ROBO1: variants seen among roughly 807,000 people sequenced by gnomAD.
ROBO1 encodes roundabout homolog 1.
Under a neutral mutation model 195.9 loss-of-function variants are expected in ROBO1, and 149 were observed. The ratio of observed to expected loss-of-function variants is 0.76; its 90% CI spans 0.67 to 0.87. The LOEUF (loss-of-function observed/expected upper bound fraction) is 0.87, where lower values mean the gene tolerates loss of function less well. Ranked by LOEUF, ROBO1 falls within the 40% of genes least tolerant of loss-of-function variation. The probability of loss-of-function intolerance (pLI) is 0.00; values close to 1 mark genes in which losing one functional copy is unlikely to be tolerated. For missense variants in ROBO1, 1,933 were observed against 2,068.3 expected, an observed-to-expected ratio of 0.93 and a Z score of 1.27; for synonymous variants, 816 against 733.2, an observed-to-expected ratio of 1.11 and a Z score of -1.82.
At chr3:79,685,829 C>G (rs1947088686) in intron 1 of ROBO1, among the ~76,000 whole-genome samples, 1 of 152,098 alleles carries the variant, frequency 6.6e-6, no homozygotes, top group East Asian at 1.9e-4. Context: ...TGAAACTATT[C>G]CAATCAATAG....
Position 78,938,863 on chromosome 3 carries a change from G to A in ROBO1, c.237C>T (p.Val79=), listed in dbSNP as rs373025682. 1.2e-6 allele frequency: 2 copies of A among 1,613,882 alleles called. No individual in the cohort carries two copies. Among genetic ancestry groups the A allele is most frequent in the African/African-American group, 2.7e-5 (2 of 74,926 alleles). Residue 79 remains valine (V), a synonymous_variant, in exon 4 of 31, where the codon GTC becomes GTT. Transcript: ENST00000464233. ...RIVEHPSDLI[V]SKGEPATLNC... is the part of the protein sequence containing the mutation. ...TCAAAGTTGCAGGTTCTCCTTTTGA[G>A]ACAATCAGGTCTGAAGGGTGTTCAA...
intron 4 of ROBO1, among the ~76,000 whole-genome samples, chr3:78,895,322 G>C (rs1054185129): frequency 3.3e-5 from 5 of 152,094 alleles, no homozygotes; most frequent in Non-Finnish European, 4.4e-5. Flanking sequence ...AGAAAAGAGA[G>C]AAAGAAAGAG....
At chr3:79,005,214 G>C (rs1380101986) in intron 3 of ROBO1, among the ~76,000 whole-genome samples, 4 of 152,142 alleles carry the variant, frequency 2.6e-5, no homozygotes, top group Non-Finnish European at 4.4e-5. Context: ...TACTGCACCT[G>C]ACCTCTTCCC....
At chr3:79,613,337 C>T (rs1212172145) in intron 1 of ROBO1, among the ~76,000 whole-genome samples, 8 of 151,792 alleles carry the variant, frequency 5.3e-5, no homozygotes, top group Non-Finnish European at 8.8e-5. Context: ...TTAAAAGAAA[C>T]GTGCTATAAA....
intron 2 of ROBO1, among the ~76,000 whole-genome samples, chr3:79,251,994 CAG>C (rs1553707424): frequency 1.3e-5 from 2 of 150,532 alleles, no homozygotes; most frequent in South Asian, 2.1e-4. Context: ...AGATTTTCCT[CAG>C]AGTCTTTAAA....
At chr3:78,904,889 T>C (rs2037810773) in intron 4 of ROBO1, among the ~76,000 whole-genome samples, 1 of 151,986 alleles carries the variant, frequency 6.6e-6, no homozygotes. Flanking sequence ...CAGTTCATTT[T>C]CTCAATTGTT....
At chr3:79,688,537 T>C (rs1044239855) in intron 1 of ROBO1, among the ~76,000 whole-genome samples, 1 of 152,130 alleles carries the variant, frequency 6.6e-6, no homozygotes, top group Non-Finnish European at 1.5e-5. Flanking sequence ...ATTTTTGAAG[T>C]CCTTCTTCCA....
At chr3:79,711,746 G>C (rs984466706) in intron 1 of ROBO1, among the ~76,000 whole-genome samples, 2 of 152,040 alleles carry the variant, frequency 1.3e-5, no homozygotes, top group Non-Finnish European at 2.9e-5. Context: ...TTGAAGTTTT[G>C]TGGCAACACG....
At chr3:79,260,070 A>G (rs972266610) in intron 2 of ROBO1, among the ~76,000 whole-genome samples, 3 of 151,360 alleles carry the variant, frequency 2.0e-5, no homozygotes, top group Non-Finnish European at 4.4e-5. Flanking sequence ...AATGTACTGA[A>G]CTTGCTTAAA....
chr3:79,128,585 A>G (rs977047296), intron 2 of ROBO1, among the ~76,000 whole-genome samples: 3 of 152,160 alleles, frequency 2.0e-5, no homozygotes, highest in Non-Finnish European at 4.4e-5. Context: ...ATGCTATTGT[A>G]CATCCTATGT....
chr3:78,838,165 G>T (rs2106702278), intron 4 of ROBO1, among the ~76,000 whole-genome samples: 1 of 152,278 alleles, frequency 6.6e-6, no homozygotes. Flanking sequence ...AGATTGATAA[G>T]AACTTACAAG....
intron 2 of ROBO1, among the ~76,000 whole-genome samples, chr3:79,491,679 T>C (rs1466242959): frequency 1.3e-5 from 2 of 152,160 alleles, no homozygotes; most frequent in African/African-American, 2.4e-5. Flanking sequence ...CTTAGAGTAG[T>C]ACATTTTGAA....
chr3:79,417,004 A>G (rs2038032196), intron 2 of ROBO1, among the ~76,000 whole-genome samples: 1 of 152,182 alleles, frequency 6.6e-6, no homozygotes, highest in Non-Finnish European at 1.5e-5. Flanking sequence ...TGAGAGGATA[A>G]AATACTTTTC....
At chr3:78,696,435 C>G (rs185236524) in intron 8 of ROBO1, among the ~76,000 whole-genome samples, 1 of 152,172 alleles carries the variant, frequency 6.6e-6, no homozygotes, top group East Asian at 1.9e-4. Context: ...AGAACTTTAT[C>G]AAGGTCACAG....
At chr3:78,722,045 G>T (rs78147937) in intron 5 of ROBO1, among the ~76,000 whole-genome samples, 2,787 of 152,000 alleles carry the variant, frequency 0.018, 83 homozygotes, top group African/African-American at 0.063. Context: ...AGCTATAAAG[G>T]CCTAAGGAAT....
chr3:78,771,527 G>A (rs1368042553), intron 4 of ROBO1, among the ~76,000 whole-genome samples: 1 of 152,134 alleles, frequency 6.6e-6, no homozygotes, highest in Non-Finnish European at 1.5e-5. Context: ...CAATCAATGA[G>A]CATGGAATGT....
rs148242206 is a variant in ROBO1 at position 79,678,526 on chromosome 3, AG to A, written c.-50-88566del. Among the ~76,000 whole-genome samples, 360 of 152,222 alleles carry A rather than the reference AG, an allele frequency of 2.4e-3. 1 individual carries two copies. The highest frequency in any genetic ancestry group is 8.5e-3 in the African/African-American group (354 of 41,570). On this transcript the variant is annotated intron_variant, in intron 1 of 30. Transcript: ENST00000464233. ...ATTTGTAGACACTTTAAAGAATACT[AG>A]GAGTACTTATTGAACATTATCAGAG...
chr3:79,108,680 C>T (rs1336516082), intron 3 of ROBO1, among the ~76,000 whole-genome samples: 1 of 151,658 alleles, frequency 6.6e-6, no homozygotes, highest in Non-Finnish European at 1.5e-5. Flanking sequence ...TGCCCTAACT[C>T]TGGTTGTCTT....
intron 3 of ROBO1, among the ~76,000 whole-genome samples, chr3:79,081,768 G>A (rs964677316): frequency 1.3e-5 from 2 of 152,082 alleles, no homozygotes; most frequent in Non-Finnish European, 1.5e-5. Flanking sequence ...GGCTCATTTC[G>A]TAGAATCTAG....
Sources: allele counts gnomAD v4.1 joint callset (sites outside exome capture counted in the v4.1 genomes callset), GRCh38; gene constraint gnomAD v4.1.1; transcripts MANE v1.5; gene names NCBI Gene and HGNC (gene_info 2026-07-23, HGNC 2026-07-21).